The following TMEM52B variants were observed in gnomAD, a reference collection of about 807,000 sequenced individuals.
TMEM52B encodes chromosome 12 open reading frame 59.
A neutral mutation model predicts 16.1 loss-of-function variants in TMEM52B; 11 were observed. The observed-to-expected ratio is 0.68, with a 90% CI of 0.43 to 1.13. The LOEUF (loss-of-function observed/expected upper bound fraction) is 1.13, where lower values mean the gene tolerates loss of function less well. Among genes scored for constraint, TMEM52B ranks in the 50% most tolerant of loss-of-function variants. The pLI, the probability that TMEM52B is intolerant of heterozygous loss-of-function variation, is 0.00. For missense variants in TMEM52B, 243 were observed against 230.4 expected (o/e 1.05, Z -0.35); for synonymous variants, 101 against 93.8 (o/e 1.08, Z -0.45).
chr12:10,189,880 C>A lies in TMEM52B; in HGVS notation c.308-16C>A, dbSNP rs756399303. On this transcript the variant is annotated splice_polypyrimidine_tract_variant and intron_variant, in intron 4 of 4. Coordinates refer to ENST00000543484, the MANE Select transcript of TMEM52B (RefSeq NM_001384896.1). ...TTTCCCTTAGTTTCTTAGCTCTGTT[C>A]CTTCTTTCTTCACAGCTCTGCAGTC... is the stretch of plus-strand genomic sequence containing the variant. 2 of 1,612,632 alleles carry A rather than the reference C, an allele frequency of 1.2e-6. No homozygotes were observed. Among genetic ancestry groups the A allele is most frequent in the South Asian group, 2.2e-5 (2 of 91,000 alleles).
chr12:10,186,034 T>C (rs1948875248), intron 3 of TMEM52B, among the ~76,000 whole-genome samples: 1 of 150,788 alleles, frequency 6.6e-6, no homozygotes, highest in Non-Finnish European at 1.5e-5. Flanking sequence ...AGAGCAAAAC[T>C]CTGTCTAAAA....
intron 1 of TMEM52B, chr12:10,182,327 C>T: frequency 1.0e-6 from 1 of 985,340 alleles, no homozygotes; most frequent in African/African-American, 1.7e-5. Context: ...CCACCATCAA[C>T]ACAACAGATG....
upstream of TMEM52B, among the ~76,000 whole-genome samples, chr12:10,176,698 CA>C (rs1395354962): frequency 6.6e-6 from 1 of 152,022 alleles, no homozygotes; most frequent in East Asian, 1.9e-4. Context: ...TTAGCAAACA[CA>C]AAAAATATCA....
At chr12:10,174,648 C>A (rs1024739584), upstream of TMEM52B, among the ~76,000 whole-genome samples, 9 of 152,206 alleles carry the variant, frequency 5.9e-5, no homozygotes, top group African/African-American at 2.2e-4. Context: ...GCTCTATAAT[C>A]ATACAAGCCA....
rs764351225 is a variant in TMEM52B, at chr12:10,179,539, C to T, written c.-36C>T. ...GCATTGAAAGGAGGCAACGGATGCCCAGTGCAAGATTCTGAAGAAGCAGGA... is the reference window on the plus strand; with the variant it reads ...GCATTGAAAGGAGGCAACGGATGCCTAGTGCAAGATTCTGAAGAAGCAGGA... On this transcript the variant is annotated 5_prime_UTR_variant, in exon 1 of 5. Transcript: ENST00000543484. The T allele has an allele frequency of 6.2e-7, 1 of 1,612,700 alleles. No homozygotes were observed. Among genetic ancestry groups the T allele is most frequent in the Non-Finnish European group, 8.5e-7 (1 of 1,178,730 alleles).
upstream of TMEM52B, among the ~76,000 whole-genome samples, chr12:10,176,249 G>C (rs919236523): frequency 6.6e-6 from 1 of 151,980 alleles, no homozygotes; most frequent in Non-Finnish European, 1.5e-5. Flanking sequence ...CTGCCCCAAG[G>C]CATAATCTCA....
intron 4 of TMEM52B, 100 bp downstream of exon 4, chr12:10,186,689 A>T (rs1461511301): frequency 8.2e-7 from 1 of 1,213,554 alleles, no homozygotes; most frequent in South Asian, 2.5e-5. Context: ...AATATTAAAG[A>T]TTCCAGGACT....
chr12:10,181,402 T>A (rs760328237), intron 1 of TMEM52B, among the ~76,000 whole-genome samples: 1 of 151,972 alleles, frequency 6.6e-6, no homozygotes, highest in Non-Finnish European at 1.5e-5. Context: ...TGATCTCGGC[T>A]CACTGCAACC....
chr12:10,187,274 G>A (rs1375083271), intron 4 of TMEM52B, among the ~76,000 whole-genome samples: 1 of 151,554 alleles, frequency 6.6e-6, no homozygotes, highest in Non-Finnish European at 1.5e-5. Context: ...GCTAATTTTT[G>A]TATTTTTAGT....
chr12:10,172,098 T>C (rs912071512), intron 1 of TMEM52B: 21 of 1,592,618 alleles, frequency 1.3e-5, no homozygotes, highest in Non-Finnish European at 1.7e-5. Context: ...AAGCTAAGAA[T>C]GAGAGAGTGA....
intron 2 of TMEM52B, among the ~76,000 whole-genome samples, chr12:10,184,046 G>A (rs1175998144): frequency 2.6e-5 from 4 of 152,186 alleles, no homozygotes; most frequent in East Asian, 1.9e-4. Context: ...AAGGAAAGTA[G>A]AGGGGCTGAA....
At position 10,179,739 on chromosome 12, in the gene TMEM52B, AGGGGGTCATAG is replaced by A. The variant is rs1948800942; in HGVS notation, c.54+114_54+124del. The A allele has an allele frequency of 6.6e-6, 8 of 1,208,480 alleles. No individual in the cohort carries two copies. In the South Asian group the frequency reaches 9.8e-5, roughly 15 times the overall value. The allele number at this position is 1,208,480 out of a possible 1,614,324, so 74.9% of individuals were successfully genotyped here. A position where few individuals can be genotyped will look rare whatever the true frequency, so the allele number is the denominator to read the frequency against. ...GGGTGGGGAGACATATACAGAACCCAGGGGGTCATAGGGAAATGAATAAACTACAAAGTTTC... is the reference window on the plus strand; with the variant it reads ...GGGTGGGGAGACATATACAGAACCCAGGAAATGAATAAACTACAAAGTTTC... On this transcript the variant is annotated intron_variant, in intron 1 of 4. Coordinates refer to ENST00000543484, the MANE Select transcript of TMEM52B (RefSeq NM_001384896.1).
rs534891061 is a variant in TMEM52B at position 10,190,282 on chromosome 12, G to A, written c.*142G>A. On this transcript the variant is annotated 3_prime_UTR_variant, in exon 5 of 5. Coordinates refer to ENST00000543484, the MANE Select transcript of TMEM52B (RefSeq NM_001384896.1). ...ATGGGAAAGATGGTTCTTACTCTTC[G>A]TTCACAGGCCTTTATATCTTCCGAT... is the stretch of plus-strand genomic sequence containing the variant. 1.3e-5 allele frequency: 15 copies of A among 1,113,524 alleles called. No individual in the cohort carries two copies. The highest frequency in any genetic ancestry group is 7.8e-5 in the African/African-American group (5 of 64,038). The allele number at this position is 1,113,524 out of a possible 1,614,324, so 69.0% of individuals were successfully genotyped here.
At chr12:10,186,317 T>C (rs1204082268) in intron 3 of TMEM52B, 103 bp from the exon 4 acceptor site, 32 of 783,918 alleles carry the variant, frequency 4.1e-5, no homozygotes, top group Non-Finnish European at 5.5e-5. Context: ...TTCTATAAAA[T>C]GTTTAGACAA....
intron 4 of TMEM52B, among the ~76,000 whole-genome samples, chr12:10,187,927 C>T (rs1022166494): frequency 1.1e-4 from 17 of 151,876 alleles, no homozygotes; most frequent in African/African-American, 2.4e-5. Context: ...GGTGAAACCT[C>T]GTCTCTACTA....
At chr12:10,186,195 G>A (rs1441714518) in intron 3 of TMEM52B, among the ~76,000 whole-genome samples, 1 of 152,056 alleles carries the variant, frequency 6.6e-6, no homozygotes, top group Non-Finnish European at 1.5e-5. Flanking sequence ...TACCTTAAAT[G>A]TCTTACTATT....
chr12:10,183,828 C>G (rs998353252), intron 2 of TMEM52B, among the ~76,000 whole-genome samples: 2 of 152,172 alleles, frequency 1.3e-5, no homozygotes, highest in Non-Finnish European at 1.5e-5. Context: ...TTAGGGTACT[C>G]TTTACGGTGG....
At chr12:10,175,868 C>T (rs1290426194), upstream of TMEM52B, among the ~76,000 whole-genome samples, 7 of 152,328 alleles carry the variant, frequency 4.6e-5, no homozygotes, top group South Asian at 4.2e-4. Flanking sequence ...TAGTTGGCCA[C>T]CTGACTTAGG....
intron 4 of TMEM52B, among the ~76,000 whole-genome samples, chr12:10,188,990 C>G (rs1350280440): frequency 7.6e-6 from 1 of 131,124 alleles, no homozygotes; most frequent in African/African-American, 2.9e-5. Context: ...GCACTCCAGC[C>G]TGGGCGACAG....
Sources: gnomAD v4.1 joint callset for allele counts (sites outside exome capture counted in the v4.1 genomes callset) on GRCh38, gnomAD v4.1.1 for gene constraint, MANE v1.5 for transcripts, NCBI Gene and HGNC (gene_info 2026-07-23, HGNC 2026-07-21) for gene names.